NT5E: variants seen among roughly 807,000 people sequenced by gnomAD.
NT5E encodes the protein 5'-nucleotidase.
A neutral mutation model predicts 55.1 loss-of-function variants in NT5E; 53 were observed. That is an observed-to-expected ratio of 0.96 (90% CI 0.77 to 1.21). NT5E has a LOEUF of 1.21. Among genes scored for constraint, NT5E ranks in the 50% most tolerant of loss-of-function variants. The pLI is 0.00. For synonymous variants in NT5E, 270 were observed against 278.4 expected, an observed-to-expected ratio of 0.97 and a Z score of 0.30; for missense variants, 683 against 724.3, an observed-to-expected ratio of 0.94 and a Z score of 0.65.
chr6:85,490,707 TCC>T, intron 7 of NT5E, 50 bp downstream of exon 7: 2 of 1,607,434 alleles, frequency 1.2e-6, no homozygotes, highest in Non-Finnish European at 1.7e-6. Flanking sequence ...ACATGGCATT[TCC>T]TGCTGGTTGG....
intron 2 of NT5E, among the ~76,000 whole-genome samples, chr6:85,470,919 A>G (rs1448309902): frequency 6.6e-6 from 1 of 152,230 alleles, no homozygotes. Context: ...CATTTTCTGC[A>G]TTGGTATTGT....
intron 1 of NT5E, among the ~76,000 whole-genome samples, chr6:85,458,772 T>A (rs1369153213): frequency 6.6e-6 from 1 of 152,224 alleles, no homozygotes; most frequent in African/African-American, 2.4e-5. Context: ...TAATTCTGAA[T>A]GTTGATGTGC....
chr6:85,487,545 G>T, intron 5 of NT5E, 56 bp downstream of exon 5: 2 of 1,599,410 alleles, frequency 1.3e-6, no homozygotes, highest in South Asian at 1.1e-5. Context: ...GAAGAGGGAA[G>T]AGGAAGGAAG....
chr6:85,452,408 G>T (rs1164568305), intron 1 of NT5E, among the ~76,000 whole-genome samples: 3 of 152,192 alleles, frequency 2.0e-5, no homozygotes, highest in African/African-American at 7.2e-5. Flanking sequence ...GTTTATGACA[G>T]GACATCTAGG....
chr6:85,466,424 G>A (rs555162134), intron 1 of NT5E, among the ~76,000 whole-genome samples: 1 of 152,278 alleles, frequency 6.6e-6, no homozygotes, highest in South Asian at 2.1e-4. Context: ...TGGAGCAAAG[G>A]GTGCCCAGAG....
intron 2 of NT5E, among the ~76,000 whole-genome samples, chr6:85,470,924 T>C (rs1024627196): frequency 1.3e-5 from 2 of 152,228 alleles, no homozygotes; most frequent in Non-Finnish European, 2.9e-5. Flanking sequence ...TCTGCATTGG[T>C]ATTGTGGAAG....
At position 85,482,084 on chromosome 6, in the gene NT5E, T is replaced by C. The variant is rs140318448; in HGVS notation, c.752-3151T>C. On this transcript the variant is annotated intron_variant, in intron 3 of 8. Transcript: ENST00000257770. ...AAGCAATCATTTGAAATAACCTAAT[T>C]ACCAATCCTTTTTATCCAGTCCTCT... Among the ~76,000 whole-genome samples the C allele has an allele frequency of 6.6e-4, 101 of 152,338 alleles. 1 individual carries two copies. The highest frequency in any genetic ancestry group is 1.2e-3 in the South Asian group (6 of 4,828).
intron 3 of NT5E, among the ~76,000 whole-genome samples, chr6:85,477,535 G>A (rs1321255298): frequency 6.6e-6 from 1 of 152,156 alleles, no homozygotes; most frequent in African/African-American, 2.4e-5. Flanking sequence ...TCTTCATGCT[G>A]CCATCAGGCT....
At chr6:85,460,668 C>A (rs951565383) in intron 1 of NT5E, among the ~76,000 whole-genome samples, 1 of 152,132 alleles carries the variant, frequency 6.6e-6, no homozygotes, top group African/African-American at 2.4e-5. Context: ...AAAGCTCTTC[C>A]AAGGAAGAGC....
At chr6:85,461,880 C>A (rs1769105174) in intron 1 of NT5E, among the ~76,000 whole-genome samples, 1 of 152,124 alleles carries the variant, frequency 6.6e-6, no homozygotes, top group African/African-American at 2.4e-5. Context: ...TGCCCCCAAT[C>A]TCCCCTTAGC....
At chr6:85,476,083 T>C (rs1309289100) in intron 3 of NT5E, among the ~76,000 whole-genome samples, 14 of 152,168 alleles carry the variant, frequency 9.2e-5, no homozygotes, top group Admixed American at 9.2e-4. Context: ...GAGAATTTAG[T>C]ATCCAATTTC....
At chr6:85,478,842 TGAGA>T (rs1769487247) in intron 3 of NT5E, among the ~76,000 whole-genome samples, 1 of 151,790 alleles carries the variant, frequency 6.6e-6, no homozygotes, top group African/African-American at 2.4e-5. Flanking sequence ...TATATAGTAT[TGAGA>T]GAGAGAAAGA....
Position 85,450,736 on chromosome 6 carries a change from C to CTTAA in NT5E, c.339+259_339+262dup, listed in dbSNP as rs1298752804. Among the ~76,000 whole-genome samples, 1 of 152,178 alleles carries CTTAA rather than the reference C, an allele frequency of 6.6e-6. No homozygotes were observed. The highest frequency in any genetic ancestry group is 1.5e-5 in the Non-Finnish European group (1 of 68,032). On this transcript the variant is annotated intron_variant, in intron 1 of 8. Coordinates refer to ENST00000257770, the MANE Select transcript of NT5E (RefSeq NM_002526.4). The surrounding 1 kb of genome is among the most constrained non-coding windows in gnomAD (Gnocchi z 4.0). ...AGGACCCAGTCCTGCCTGCGAGGGGCTTAAGGTGGGGTGCGTAGAAGCACT... is the reference window on the plus strand; with the variant it reads ...AGGACCCAGTCCTGCCTGCGAGGGGCTTAATTAAGGTGGGGTGCGTAGAAGCACT...
chr6:85,458,963 T>C (rs1256915781), intron 1 of NT5E, among the ~76,000 whole-genome samples: 1 of 152,222 alleles, frequency 6.6e-6, no homozygotes, highest in African/African-American at 2.4e-5. Flanking sequence ...GTGGCCAACA[T>C]TCCTTGGCCC....
chr6:85,489,215 A>G (rs974034218), intron 5 of NT5E, among the ~76,000 whole-genome samples: 2 of 152,172 alleles, frequency 1.3e-5, no homozygotes, highest in African/African-American at 4.8e-5. Context: ...CAGTCCCGAC[A>G]CCAGGGCTAC....
At position 85,450,099 on chromosome 6, in the gene NT5E, C is replaced by T; in HGVS notation, c.-41C>T. On this transcript the variant is annotated 5_prime_UTR_variant, in exon 1 of 9. Transcript: ENST00000257770. The surrounding 1 kb of genome is among the most constrained non-coding windows in gnomAD (Gnocchi z 4.0). Reference sequence around the variant, plus strand: ...CTCGCCCCTACTCGCCGGCACTCGCCCGGCTCGCCCGCTTTCGCACCCAGT... The same window carrying T: ...CTCGCCCCTACTCGCCGGCACTCGCTCGGCTCGCCCGCTTTCGCACCCAGT... The T allele has an allele frequency of 6.6e-7, 1 of 1,508,246 alleles. No homozygotes were observed. Among genetic ancestry groups the T allele is most frequent in the Non-Finnish European group, 8.9e-7 (1 of 1,122,562 alleles). The allele number at this position is 1,508,246 out of a possible 1,614,324, so 93.4% of individuals were successfully genotyped here.
At chr6:85,477,606 G>A (rs937683885) in intron 3 of NT5E, among the ~76,000 whole-genome samples, 7 of 152,098 alleles carry the variant, frequency 4.6e-5, no homozygotes, top group Non-Finnish European at 8.8e-5. Context: ...AAAGAGGGTG[G>A]GAGACTGTTG....
intron 1 of NT5E, among the ~76,000 whole-genome samples, chr6:85,457,415 A>G (rs1417397630): frequency 6.6e-6 from 1 of 152,164 alleles, no homozygotes; most frequent in East Asian, 1.9e-4. Flanking sequence ...TCAGCACCTC[A>G]GCTCCTCCCC....
intron 1 of NT5E, among the ~76,000 whole-genome samples, chr6:85,454,779 G>A (rs747929569): frequency 6.6e-6 from 1 of 152,198 alleles, no homozygotes; most frequent in East Asian, 1.9e-4. Flanking sequence ...AGATCACCAC[G>A]GTTCTCTCTG....
Sources: allele counts gnomAD v4.1 joint callset (sites outside exome capture counted in the v4.1 genomes callset), GRCh38; gene constraint gnomAD v4.1.1; non-coding constraint Gnocchi (gnomAD v3.1); transcripts MANE v1.5; gene names NCBI Gene and HGNC (gene_info 2026-07-23, HGNC 2026-07-21).